Variants in BMP7 observed in about 807,000 individuals in gnomAD.
BMP7 encodes osteogenic protein 1.
A neutral mutation model predicts 41.2 loss-of-function variants in BMP7; 12 were observed. The ratio of observed to expected loss-of-function variants is 0.29; its 90% CI spans 0.19 to 0.47. The LOEUF (loss-of-function observed/expected upper bound fraction) is 0.47. Ranked by LOEUF, BMP7 falls within the 20% of genes least tolerant of loss-of-function variation. The pLI is 0.99. For missense variants in BMP7, 467 were observed against 606.0 expected, an observed-to-expected ratio of 0.77 and a Z score of 2.41; for synonymous variants, 248 against 250.0, an observed-to-expected ratio of 0.99 and a Z score of 0.07.
At chr20:57,187,104 G>T (rs1232510093) in intron 3 of BMP7, 1 of 152,216 alleles carries the variant, frequency 6.6e-6, no homozygotes, top group African/African-American at 2.4e-5. Context: ...AAGGTGTCTG[G>T]CTTGCCTTGG....
In BMP7 at chr20:57,171,081, G is replaced by C. The variant is rs781751688; in HGVS notation, c.1174C>G (p.Pro392Ala). 2 of 1,614,118 alleles carry C rather than the reference G, an allele frequency of 1.2e-6. No individual in the cohort carries two copies. The highest frequency in any genetic ancestry group is 1.7e-6 in the Non-Finnish European group (2 of 1,180,052). The change falls in exon 7 of 7, where the codon CCC becomes GCC. Residue 392 changes from proline (P) to alanine (A), a missense_variant. Pro to Ala is a conservative substitution (Grantham distance 27). Coordinates refer to ENST00000395863, the MANE Select transcript of BMP7 (RefSeq NM_001719.3). This position sits in a 1 kb window ranked among gnomAD's most constrained non-coding sequence, Gnocchi z 4.5. ...LVHFINPETV[P>A]KPCCAPTQLN... ...TGCGTGGGCGCACAGCAGGGCTTGG[G>C]CACCGTTTCCGGGTTGATGAAGTGG...
chr20:57,234,767 C>G (rs2066041477), intron 1 of BMP7, among the ~76,000 whole-genome samples: 1 of 152,244 alleles, frequency 6.6e-6, no homozygotes, highest in Admixed American at 6.5e-5. Context: ...GAACAGGGCC[C>G]ATGACTGTCT....
intron 4 of BMP7, chr20:57,177,593 C>T (rs530408303): frequency 6.6e-6 from 1 of 152,298 alleles, no homozygotes; most frequent in African/African-American, 2.4e-5. Flanking sequence ...GGTAATCCAC[C>T]CGCCTTGGCC....
chr20:57,181,615 G>A lies in BMP7; in HGVS notation c.958+2107C>T, dbSNP rs374923396. ...AGCAAATTATCAAAACAATACAAGCGGATTATAGCTCTGTGGCTCTGAAGT... is the reference window on the plus strand; with the variant it reads ...AGCAAATTATCAAAACAATACAAGCAGATTATAGCTCTGTGGCTCTGAAGT... On this transcript the variant is annotated intron_variant, in intron 4 of 6. Transcript: ENST00000395863. 4.4e-4 allele frequency among the ~76,000 whole-genome samples: 67 copies of A among 152,300 alleles called. No homozygotes were observed. In the South Asian group the frequency reaches 0.013, roughly 30 times the overall value.
chr20:57,193,805 GC>G (rs1294253218), intron 3 of BMP7, among the ~76,000 whole-genome samples: 4 of 152,288 alleles, frequency 2.6e-5, no homozygotes, highest in South Asian at 2.1e-4. Context: ...GCCAAAACCA[GC>G]CCTTTGCACG....
chr20:57,203,017 G>C (rs1984659416), intron 2 of BMP7, among the ~76,000 whole-genome samples: 1 of 152,094 alleles, frequency 6.6e-6, no homozygotes, highest in Admixed American at 6.5e-5. Flanking sequence ...TGTCCCACGG[G>C]CTCAACACTA....
At chr20:57,242,814 C>A (rs1218848801) in intron 1 of BMP7, among the ~76,000 whole-genome samples, 1 of 151,756 alleles carries the variant, frequency 6.6e-6, no homozygotes, top group African/African-American at 2.4e-5. Flanking sequence ...ACCAGCCTGG[C>A]CAATATGCTG....
At chr20:57,194,506 C>T (rs1035004928) in intron 3 of BMP7, among the ~76,000 whole-genome samples, 11 of 152,174 alleles carry the variant, frequency 7.2e-5, no homozygotes, top group Non-Finnish European at 1.3e-4. Context: ...CCTTTGCTGA[C>T]CCTGACTCTA....
chr20:57,191,463 C>T (rs763577152), intron 3 of BMP7, among the ~76,000 whole-genome samples: 2 of 151,918 alleles, frequency 1.3e-5, no homozygotes, highest in African/African-American at 4.8e-5. Flanking sequence ...TTTGGGAGGC[C>T]GAGGCAGGCA....
rs1325557619 is a variant in BMP7 at position 57,169,526 on chromosome 20, A to T, written c.*1433T>A. ...CTTCTATTTGCAATGTAAGTCCAGC[A>T]CATCCTGCACCCATCAGACCTCCTA... On this transcript the variant is annotated 3_prime_UTR_variant, in exon 7 of 7. Transcript: ENST00000395863. The T allele has an allele frequency of 6.6e-6, 1 of 152,224 alleles. No homozygotes were observed. Among genetic ancestry groups the T allele is most frequent in the Non-Finnish European group, 1.5e-5 (1 of 68,030 alleles). 9.4% of individuals were successfully genotyped at this position (152,224 alleles called of 1,614,324 possible).
rs60465573 is a variant in BMP7, at chr20:57,176,750, T to TCACACACACACACACACA, written c.959-1761_959-1744dup. Among the ~76,000 whole-genome samples, 171 of 135,500 alleles carry TCACACACACACACACACA rather than the reference T, an allele frequency of 1.3e-3. 1 individual carries two copies. The highest frequency in any genetic ancestry group is 1.9e-3 in the African/African-American group (69 of 35,822). 88.9% of individuals were successfully genotyped at this position (135,500 alleles called of 152,430 possible). ...ATTTGAAACTACGCACATTCTCCAT[T>TCACACACACACACACACA]CACACACACACACACACACACACAC... On this transcript the variant is annotated intron_variant, in intron 4 of 6. Coordinates refer to ENST00000395863, the MANE Select transcript of BMP7 (RefSeq NM_001719.3).
chr20:57,206,098 T>C (rs1370445412), intron 2 of BMP7, among the ~76,000 whole-genome samples: 1 of 152,174 alleles, frequency 6.6e-6, no homozygotes, highest in East Asian at 1.9e-4. Context: ...GCTGCCACCT[T>C]GAGCATCGTA....
At chr20:57,230,205 A>C (rs2066023843) in intron 1 of BMP7, among the ~76,000 whole-genome samples, 1 of 152,056 alleles carries the variant, frequency 6.6e-6, no homozygotes. Context: ...CCCACAAGGA[A>C]CCCTTCTCTC....
intron 1 of BMP7, among the ~76,000 whole-genome samples, chr20:57,231,777 C>G (rs564656744): frequency 6.6e-6 from 1 of 152,258 alleles, no homozygotes; most frequent in African/African-American, 2.4e-5. Context: ...CAGTTCCCTG[C>G]TCCCAGTGCT....
intron 3 of BMP7, among the ~76,000 whole-genome samples, chr20:57,185,632 G>A (rs950858791): frequency 1.3e-5 from 2 of 152,236 alleles, no homozygotes; most frequent in Non-Finnish European, 2.9e-5. Flanking sequence ...GGCAGCAGAG[G>A]TCTGGCCTAG....
rs1353973358 is a variant in BMP7, at chr20:57,261,710, G to A, written c.418+3995C>T. Among the ~76,000 whole-genome samples, 2 of 152,206 alleles carry A rather than the reference G, an allele frequency of 1.3e-5. No homozygotes were observed. The highest frequency in any genetic ancestry group is 4.8e-5 in the African/African-American group (2 of 41,450). ...GTGAGGGCCGGCGCTCCGAGTGCTG[G>A]AATGTGGAGCAGCCCCTTCCAAATT... On this transcript the variant is annotated intron_variant, in intron 1 of 6. Coordinates refer to ENST00000395863, the MANE Select transcript of BMP7 (RefSeq NM_001719.3). The surrounding 1 kb of genome is among the most constrained non-coding windows in gnomAD (Gnocchi z 4.1).
chr20:57,184,839 A>T (rs1984174686), intron 3 of BMP7, among the ~76,000 whole-genome samples: 1 of 152,188 alleles, frequency 6.6e-6, no homozygotes, highest in South Asian at 2.1e-4. Flanking sequence ...AGAGGCAAGG[A>T]GGGATTCCTC....
chr20:57,264,020 G>C (rs921698054), intron 1 of BMP7, among the ~76,000 whole-genome samples: 1 of 152,142 alleles, frequency 6.6e-6, no homozygotes, highest in African/African-American at 2.4e-5. Context: ...ATACATCTTG[G>C]AGATGGTTCT....
chr20:57,173,761 A>G (rs1182874867), intron 5 of BMP7, among the ~76,000 whole-genome samples: 1 of 152,128 alleles, frequency 6.6e-6, no homozygotes, highest in South Asian at 2.1e-4. Flanking sequence ...GTGTGAGGCA[A>G]TCATCAGCTC....
Sources: allele counts gnomAD v4.1 joint callset (sites outside exome capture counted in the v4.1 genomes callset), GRCh38; gene constraint gnomAD v4.1.1; non-coding constraint Gnocchi (gnomAD v3.1); transcripts MANE v1.5; gene names NCBI Gene and HGNC (gene_info 2026-07-23, HGNC 2026-07-21).